Variants in SEMA3D observed in about 807,000 individuals in gnomAD.
SEMA3D encodes the protein semaphorin 3D.
In SEMA3D, 84 loss-of-function variants were observed where a neutral mutation model predicts 100.1. The observed-to-expected ratio is 0.84, with a 90% CI of 0.70 to 1.01. SEMA3D has a LOEUF of 1.01. Ranked by LOEUF, SEMA3D falls within the 50% of genes least tolerant of loss-of-function variation. The pLI is 0.00. For synonymous variants in SEMA3D, 312 were observed against 320.7 expected, an observed-to-expected ratio of 0.97 and a Z score of 0.29; for missense variants, 875 against 934.1, an observed-to-expected ratio of 0.94 and a Z score of 0.82.
chr7:85,099,309 C>T (rs1045825119), intron 3 of SEMA3D, among the ~76,000 whole-genome samples: 4 of 151,896 alleles, frequency 2.6e-5, no homozygotes, highest in Non-Finnish European at 4.4e-5. Context: ...GAATAAGTCT[C>T]ATGAGAGCTG....
At chr7:85,227,295 A>T in the SEMA3D span, among the ~76,000 whole-genome samples, 10 of 152,146 alleles carry the variant, frequency 6.6e-5, no homozygotes, top group Non-Finnish European at 1.5e-4. Context: ...CAAAATTTCT[A>T]TGTGGAAAGG....
At position 85,031,388 on chromosome 7, in the gene SEMA3D, A is replaced by G. The variant is rs538510920; in HGVS notation, c.1191+5501T>C. On this transcript the variant is annotated intron_variant, in intron 12 of 18. Transcript: ENST00000284136. ...AGGTTCTAACAATTTCATAGAAAGC[A>G]AAGTATTCAGCAATACTTTTATTAA... Among the ~76,000 whole-genome samples the G allele has an allele frequency of 4.6e-5, 7 of 152,138 alleles. No homozygotes were observed. The South Asian group carries it at 1.4e-3, about 31-fold the overall frequency.
At chr7:85,179,788 A>C (rs1441138388) in intron 1 of SEMA3D, among the ~76,000 whole-genome samples, 1 of 151,398 alleles carries the variant, frequency 6.6e-6, no homozygotes, top group Non-Finnish European at 1.5e-5. Context: ...CAGCCTCCTG[A>C]GTAGCTGGGA....
At chr7:85,247,050 C>T in the SEMA3D span, among the ~76,000 whole-genome samples, 4 of 151,842 alleles carry the variant, frequency 2.6e-5, no homozygotes, top group Non-Finnish European at 4.4e-5. Flanking sequence ...CAGTGGTGGC[C>T]TCTGGGAATA....
At chr7:85,040,830 C>A in intron 10 of SEMA3D, 88 bp from the exon 11 acceptor site, 2 of 679,246 alleles carry the variant, frequency 2.9e-6, no homozygotes, top group South Asian at 1.7e-5. Flanking sequence ...CTCTGAAAAT[C>A]TAAACAGTTT....
At chr7:85,211,010 T>C in the SEMA3D span, among the ~76,000 whole-genome samples, 1 of 152,050 alleles carries the variant, frequency 6.6e-6, no homozygotes, top group East Asian at 1.9e-4. Context: ...TCTTTCACTT[T>C]ATGATTAAGT....
At chr7:85,128,884 C>CTTT (rs5885451) in intron 2 of SEMA3D, among the ~76,000 whole-genome samples, 1 of 89,494 alleles carries the variant, frequency 1.1e-5, no homozygotes, top group Non-Finnish European at 2.2e-5. Flanking sequence ...TATTTTTTTC[C>CTTT]TTTTTTTTTT....
intron 3 of SEMA3D, among the ~76,000 whole-genome samples, chr7:85,115,644 G>A (rs1455221715): frequency 6.6e-6 from 1 of 151,830 alleles, no homozygotes; most frequent in Admixed American, 6.6e-5. Flanking sequence ...ATAGTCAAAT[G>A]GACAGACCTT....
chr7:85,041,991 A>G (rs1790877475), intron 10 of SEMA3D, 180 bp downstream of exon 10: 1 of 582,754 alleles, frequency 1.7e-6, no homozygotes. Flanking sequence ...CTGCATTATG[A>G]CGTGTGCCCA....
chr7:85,082,356 T>C (rs559337873), intron 4 of SEMA3D, among the ~76,000 whole-genome samples: 15 of 152,228 alleles, frequency 9.9e-5, no homozygotes, highest in Non-Finnish European at 1.9e-4. Flanking sequence ...TCAAGGCTTT[T>C]TTCTTTCTTT....
chr7:85,206,723 TC>T, the SEMA3D span, among the ~76,000 whole-genome samples: 1 of 152,028 alleles, frequency 6.6e-6, no homozygotes, highest in Admixed American at 6.6e-5. Context: ...AGATCACTTT[TC>T]TCCACCAAAA....
intron 17 of SEMA3D, among the ~76,000 whole-genome samples, chr7:85,007,761 A>C (rs138568708): frequency 4.3e-4 from 65 of 151,916 alleles, no homozygotes; most frequent in African/African-American, 1.5e-3. Context: ...GCACTATTTC[A>C]TCATATATTC....
the SEMA3D span, among the ~76,000 whole-genome samples, chr7:85,197,863 C>T: frequency 1.3e-5 from 2 of 152,088 alleles, no homozygotes; most frequent in Non-Finnish European, 2.9e-5. Flanking sequence ...AGAAATCACT[C>T]AAATTATTCT....
At chr7:85,146,267 A>C (rs1354101384) in intron 2 of SEMA3D, among the ~76,000 whole-genome samples, 1 of 152,102 alleles carries the variant, frequency 6.6e-6, no homozygotes, top group Non-Finnish European at 1.5e-5. Context: ...ACTAGTAAAA[A>C]TCCTTAGCCA....
At chr7:85,076,385 T>C (rs1791922706) in intron 5 of SEMA3D, among the ~76,000 whole-genome samples, 1 of 152,184 alleles carries the variant, frequency 6.6e-6, no homozygotes, top group Admixed American at 6.5e-5. Flanking sequence ...AATAACTAAA[T>C]AGACAAGTAT....
chr7:85,054,706 G>A (rs1036140852), intron 9 of SEMA3D, among the ~76,000 whole-genome samples: 4 of 152,062 alleles, frequency 2.6e-5, no homozygotes, highest in Admixed American at 2.0e-4. Context: ...AAAGAAAAAC[G>A]TGATAGGTTC....
At chr7:85,159,051 TG>T (rs35668909) in intron 1 of SEMA3D, among the ~76,000 whole-genome samples, 1 of 152,172 alleles carries the variant, frequency 6.6e-6, no homozygotes, top group Non-Finnish European at 1.5e-5. Flanking sequence ...CAGCTACTGG[TG>T]GGACCCAACA....
chr7:85,131,414 T>A (rs754793658), intron 2 of SEMA3D, among the ~76,000 whole-genome samples: 1 of 152,096 alleles, frequency 6.6e-6, no homozygotes, highest in Non-Finnish European at 1.5e-5. Flanking sequence ...CTAATGCTAC[T>A]CATTTAAATT....
chr7:84,998,596 C>T lies in SEMA3D; in HGVS notation c.*844G>A, dbSNP rs760275900. 3 of 151,316 alleles carry T rather than the reference C, an allele frequency of 2.0e-5. No individual in the cohort carries two copies. The highest frequency in any genetic ancestry group is 4.8e-5 in the African/African-American group (2 of 41,436). 9.4% of individuals were successfully genotyped at this position (151,316 alleles called of 1,614,324 possible). On this transcript the variant is annotated 3_prime_UTR_variant, in exon 19 of 19. Coordinates refer to ENST00000284136, the MANE Select transcript of SEMA3D (RefSeq NM_001384900.1). Reference sequence around the variant, plus strand: ...CCAGAATTTATGGCTGTCTTTCCTTCTGTCTTCTAACAAATCCCATCTGCA... The same window carrying T: ...CCAGAATTTATGGCTGTCTTTCCTTTTGTCTTCTAACAAATCCCATCTGCA...
Sources: gnomAD v4.1 joint callset for allele counts (sites outside exome capture counted in the v4.1 genomes callset) on GRCh38, gnomAD v4.1.1 for gene constraint, MANE v1.5 for transcripts, NCBI Gene and HGNC (gene_info 2026-07-23, HGNC 2026-07-21) for gene names.